The following DEPTOR variants were observed in gnomAD, a reference collection of about 807,000 sequenced individuals.
DEPTOR encodes DEP domain containing MTOR interacting protein.
DEPTOR carries 41 observed loss-of-function variants against 41.6 expected under a neutral mutation model. The ratio of observed to expected loss-of-function variants is 0.98; its 90% CI spans 0.77 to 1.28. The LOEUF is 1.28. DEPTOR is among the 50% of genes most tolerant of loss of function. DEPTOR has a pLI of 0.00. For synonymous variants in DEPTOR, 195 were observed against 192.3 expected, an observed-to-expected ratio of 1.01 and a Z score of -0.12; for missense variants, 514 against 527.9, an observed-to-expected ratio of 0.97 and a Z score of 0.26.
At chr8:119,884,526 G>A (rs929293083) in intron 1 of DEPTOR, among the ~76,000 whole-genome samples, 1 of 150,430 alleles carries the variant, frequency 6.6e-6, no homozygotes, top group Non-Finnish European at 1.5e-5. Flanking sequence ...ACCAATATGA[G>A]AAAAGGCAAT....
At chr8:120,030,428 G>A (rs1458465739) in intron 8 of DEPTOR, among the ~76,000 whole-genome samples, 2 of 148,328 alleles carry the variant, frequency 1.3e-5, no homozygotes, top group Non-Finnish European at 3.0e-5. Flanking sequence ...TAGCATGTGC[G>A]ACACTAAGAG....
At chr8:120,030,541 G>A (rs1812875852) in intron 8 of DEPTOR, among the ~76,000 whole-genome samples, 1 of 89,244 alleles carries the variant, frequency 1.1e-5, no homozygotes, top group Non-Finnish European at 2.2e-5. Flanking sequence ...GAGTCTCACT[G>A]TGTTGCCTAG....
intron 8 of DEPTOR, among the ~76,000 whole-genome samples, chr8:120,034,627 T>C (rs1812950015): frequency 1.3e-5 from 2 of 151,722 alleles, no homozygotes; most frequent in Non-Finnish European, 2.9e-5. Flanking sequence ...GTTTTGTATT[T>C]TTAGTAGAAA....
chr8:119,898,140 A>T (rs6987580), intron 1 of DEPTOR, among the ~76,000 whole-genome samples: 1 of 151,960 alleles, frequency 6.6e-6, no homozygotes, highest in Non-Finnish European at 1.5e-5. Flanking sequence ...AACTACTTTC[A>T]TGCTTCAACA....
intron 1 of DEPTOR, 32 bp downstream of exon 1, chr8:119,874,000 G>A (rs373018055): frequency 3.7e-6 from 6 of 1,611,918 alleles, no homozygotes; most frequent in Non-Finnish European, 4.2e-6. Context: ...GTGAGCTCAC[G>A]ATGGCACTGC....
At chr8:120,000,398 C>T (rs1037399073) in intron 4 of DEPTOR, among the ~76,000 whole-genome samples, 39 of 152,080 alleles carry the variant, frequency 2.6e-4, no homozygotes, top group African/African-American at 8.9e-4. Flanking sequence ...TGGAATCATA[C>T]AGTGTGTGGT....
At chr8:119,945,154 A>G (rs769108895) in intron 3 of DEPTOR, among the ~76,000 whole-genome samples, 2 of 152,186 alleles carry the variant, frequency 1.3e-5, no homozygotes, top group African/African-American at 2.4e-5. Flanking sequence ...ATGTTTGTTG[A>G]AGAGATGAAT....
At chr8:120,041,615 ACAACCT>A (rs1813072315) in intron 8 of DEPTOR, among the ~76,000 whole-genome samples, 1 of 152,074 alleles carries the variant, frequency 6.6e-6, no homozygotes, top group South Asian at 2.1e-4. Flanking sequence ...TCAGCTCACT[ACAACCT>A]CTGCCTCTTG....
intron 1 of DEPTOR, among the ~76,000 whole-genome samples, chr8:119,877,620 C>A (rs992182263): frequency 6.6e-6 from 1 of 152,212 alleles, no homozygotes; most frequent in Admixed American, 6.5e-5. Flanking sequence ...TAAGAGGAAA[C>A]CAAGGACTGG....
intron 1 of DEPTOR, among the ~76,000 whole-genome samples, chr8:119,894,329 G>A (rs1312285173): frequency 6.6e-6 from 1 of 152,056 alleles, no homozygotes; most frequent in Non-Finnish European, 1.5e-5. Context: ...GCCTCCCAAG[G>A]TGCTGGGATT....
intron 1 of DEPTOR, among the ~76,000 whole-genome samples, chr8:119,909,197 G>C (rs926529464): frequency 6.6e-6 from 1 of 152,094 alleles, no homozygotes; most frequent in African/African-American, 2.4e-5. Context: ...ATTTCCAAAG[G>C]GTCCTCTTTC....
rs200803972 is a variant in DEPTOR at position 120,044,078 on chromosome 8, A to G, written c.1102-5498A>G. ...AGAAATCAGCTAGCCTAACAAAAAA[A>G]AAAAAGAAAAAAGAAATTGATTAGA... On this transcript the variant is annotated intron_variant, in intron 8 of 8. Transcript: ENST00000286234. Among the ~76,000 whole-genome samples the G allele has an allele frequency of 2.9e-4, 44 of 152,038 alleles. No homozygotes were observed. In the East Asian group the frequency reaches 7.5e-3, roughly 26 times the overall value.
At chr8:119,959,703 G>C (rs1828465724) in intron 3 of DEPTOR, among the ~76,000 whole-genome samples, 1 of 151,686 alleles carries the variant, frequency 6.6e-6, no homozygotes, top group African/African-American at 2.4e-5. Context: ...ACCAATTTTT[G>C]TATTTTTAGT....
chr8:120,030,505 T>TTTTTTTTTTTTC (rs1812873584), intron 8 of DEPTOR, among the ~76,000 whole-genome samples: 1 of 122,264 alleles, frequency 8.2e-6, no homozygotes, highest in African/African-American at 2.9e-5. Context: ...CAGTTTTTTT[T>TTTTTTTTTTTTC]TTTTTTTTTT....
intron 1 of DEPTOR, among the ~76,000 whole-genome samples, chr8:119,885,632 C>G (rs1827354864): frequency 6.6e-6 from 1 of 152,144 alleles, no homozygotes; most frequent in Non-Finnish European, 1.5e-5. Flanking sequence ...GAGCCAGAAG[C>G]CATCACATAA....
intron 1 of DEPTOR, among the ~76,000 whole-genome samples, chr8:119,899,344 C>G (rs751518171): frequency 1.3e-5 from 2 of 152,106 alleles, no homozygotes; most frequent in Non-Finnish European, 2.9e-5. Context: ...TATCTAGGAG[C>G]TGAATGAAGG....
chr8:119,946,711 G>A (rs756958876), intron 3 of DEPTOR, among the ~76,000 whole-genome samples: 43 of 151,914 alleles, frequency 2.8e-4, no homozygotes, highest in Non-Finnish European at 5.3e-4. Flanking sequence ...TCCAGCCTGG[G>A]CAACAAGAGC....
At chr8:119,938,897 CTT>C (rs1377222163) in intron 3 of DEPTOR, among the ~76,000 whole-genome samples, 52 of 144,394 alleles carry the variant, frequency 3.6e-4, no homozygotes, top group African/African-American at 1.0e-3. Flanking sequence ...CTCTCTTTCT[CTT>C]TCTCTCTTTC....
At chr8:120,003,291 G>A (rs560391571) in intron 6 of DEPTOR, among the ~76,000 whole-genome samples, 180 bp downstream of exon 6, 1 of 152,268 alleles carries the variant, frequency 6.6e-6, no homozygotes, top group South Asian at 2.1e-4. Flanking sequence ...GAGAAATTGG[G>A]TTGTAGCCCA....
Sources: allele counts gnomAD v4.1 joint callset (sites outside exome capture counted in the v4.1 genomes callset), GRCh38; gene constraint gnomAD v4.1.1; transcripts MANE v1.5; gene names NCBI Gene and HGNC (gene_info 2026-07-23, HGNC 2026-07-21).